DGKQ: variants seen among roughly 807,000 people sequenced by gnomAD.
DGKQ encodes diacylglycerol kinase theta.
DGKQ carries 97 observed loss-of-function variants against 104.2 expected under a neutral mutation model. The ratio of observed to expected loss-of-function variants is 0.93; its 90% CI spans 0.79 to 1.10. The LOEUF is 1.10. DGKQ is among the 50% of genes least tolerant of loss of function. DGKQ has a pLI of 0.00. For synonymous variants in DGKQ, 736 were observed against 595.2 expected, an observed-to-expected ratio of 1.24 and a Z score of -3.44; for missense variants, 1,465 against 1,352.1, an observed-to-expected ratio of 1.08 and a Z score of -1.31.
chr4:970,957 G>T (rs757165792), intron 2 of DGKQ, 36 bp downstream of exon 2: 8 of 1,501,544 alleles, frequency 5.3e-6, no homozygotes, highest in Non-Finnish European at 7.2e-6. Flanking sequence ...ACATCCCCCA[G>T]CCTCTTGCAG....
chr4:972,648 TC>T (rs1387444891), intron 1 of DGKQ, among the ~76,000 whole-genome samples: 1 of 151,928 alleles, frequency 6.6e-6, no homozygotes, highest in Admixed American at 6.5e-5. Context: ...TGGGCTGTAG[TC>T]CCCGGGGCCC....
In DGKQ at chr4:971,187, C is replaced by T; in HGVS notation, c.272-115G>A. The T allele has an allele frequency of 1.4e-6, 1 of 736,270 alleles. No homozygotes were observed. The highest frequency in any genetic ancestry group is 2.3e-6 in the Non-Finnish European group (1 of 436,864). The allele number at this position is 736,270 out of a possible 1,614,324, so 45.6% of individuals were successfully genotyped here. ...CATACCCACCATGCTGCACCAGGGGCCCTGTGGTCCTCGAGTTCCCCCACC... is the reference window on the plus strand; with the variant it reads ...CATACCCACCATGCTGCACCAGGGGTCCTGTGGTCCTCGAGTTCCCCCACC... On this transcript the variant is annotated intron_variant, in intron 1 of 22. Coordinates refer to ENST00000273814, the MANE Select transcript of DGKQ (RefSeq NM_001347.4). The surrounding 1 kb of genome is among the most constrained non-coding windows in gnomAD (Gnocchi z 4.0).
rs781105549 is a variant in DGKQ at position 967,640 on chromosome 4, G to A, written c.896C>T (p.Thr299Met). Residue 299 changes from threonine (T) to methionine (M), a missense_variant, in exon 8 of 23, where the codon ACG (threonine) becomes ATG (methionine). By Grantham distance (81) the Thr-to-Met change is moderately conservative (BLOSUM62 -1). Transcript: ENST00000273814. ...TQATPESGKQ[T>M]LKIFDGDDAV... ...GTCGTCGCCATCAAAGATCTTCAGC[G>A]TTTGCTTCCCTGGGCCGGGTAAGCT... The A allele has an allele frequency of 9.3e-6, 15 of 1,612,602 alleles. No individual in the cohort carries two copies. In the East Asian group the frequency reaches 1.6e-4, roughly 17 times the overall value.
Position 962,449 on chromosome 4 carries a change from C to A in DGKQ, c.2200G>T (p.Ala734Ser). The stretch of plus-strand genomic sequence containing the variant: ...CTGCCCTGTACCTTGGGGGGCTCTG[C>A]GTCTGCCGTGTCGTTCTCTGCACTG... ...AGSAENDTAD[A>S]EPPKIVQMSN... Residue 734 changes from alanine to serine, a missense_variant, in exon 18 of 23, where the codon GCA becomes TCA. Transcript: ENST00000273814. 6.3e-7 allele frequency: 1 copy of A among 1,582,786 alleles called. No individual in the cohort carries two copies. The highest frequency in any genetic ancestry group is 8.6e-7 in the Non-Finnish European group (1 of 1,169,290).
rs1712495493 is a variant in DGKQ at position 967,540 on chromosome 4, C to T, written c.987+9G>A. On this transcript the variant is annotated intron_variant, in intron 8 of 22. Transcript: ENST00000273814. Reference sequence around the variant, plus strand: ...AGGGGGCTCAGACCTCCCCCAGCCTCCCCCTTACCAGCACCTCCTCGGCAC... The same window carrying T: ...AGGGGGCTCAGACCTCCCCCAGCCTTCCCCTTACCAGCACCTCCTCGGCAC... The T allele has an allele frequency of 1.2e-6, 2 of 1,611,524 alleles. No homozygotes were observed. Among genetic ancestry groups the T allele is most frequent in the Admixed American group, 1.7e-5 (1 of 59,998 alleles).
rs1577490672 is a variant in DGKQ at position 971,213 on chromosome 4, A to C, written c.272-141T>G. 1.6e-6 allele frequency: 1 copy of C among 616,744 alleles called. No individual in the cohort carries two copies. The highest frequency in any genetic ancestry group is 2.9e-6 in the Non-Finnish European group (1 of 345,726). The allele number at this position is 616,744 out of a possible 1,614,324, so 38.2% of individuals were successfully genotyped here. A position where few individuals can be genotyped will look rare whatever the true frequency, so the allele number is the denominator to read the frequency against. On this transcript the variant is annotated intron_variant, in intron 1 of 22. Transcript: ENST00000273814. This position sits in a 1 kb window ranked among gnomAD's most constrained non-coding sequence, Gnocchi z 4.0. ...CCTGTGGTCCTCGAGTTCCCCCACC[A>C]CCCTGCCCACTCATTGGAGAGAGCC...
chr4:961,885 T>C, intron 19 of DGKQ, 51 bp from the exon 20 acceptor site: 1 of 1,599,614 alleles, frequency 6.3e-7, no homozygotes, highest in Non-Finnish European at 8.5e-7. Flanking sequence ...TACCCCGCCT[T>C]AGGCAGCCTC....
chr4:973,521 C>T lies in DGKQ; in HGVS notation c.-39G>A, dbSNP rs1201906337. On this transcript the variant is annotated 5_prime_UTR_variant, in exon 1 of 23. Coordinates refer to ENST00000273814, the MANE Select transcript of DGKQ (RefSeq NM_001347.4). ...GGCCCGAGCCCCTTTAGGTCCGCGC[C>T]GGGGGTACAGGAGCCGCCGCTCCAC... The T allele has an allele frequency of 1.0e-6, 1 of 982,186 alleles. No homozygotes were observed. The highest frequency in any genetic ancestry group is 1.2e-6 in the Non-Finnish European group (1 of 828,902). 60.8% of individuals were successfully genotyped at this position (982,186 alleles called of 1,614,324 possible). A position where few individuals can be genotyped will look rare whatever the true frequency, so the allele number is the denominator to read the frequency against.
rs1478689923 is a variant in DGKQ, at chr4:966,160, A to G, written c.1429-82T>C. 11 of 1,393,016 alleles carry G rather than the reference A, an allele frequency of 7.9e-6. No homozygotes were observed. In the South Asian group the frequency reaches 1.3e-4, roughly 17 times the overall value. 86.3% of individuals were successfully genotyped at this position (1,393,016 alleles called of 1,614,324 possible). On this transcript the variant is annotated intron_variant, in intron 12 of 22. Transcript: ENST00000273814. ...CCCTCTGTCTCCTCACCCGCAAAAC[A>G]GCAAAACAGGGCATCAGGAACACTC... is the stretch of plus-strand genomic sequence containing the variant.
chr4:962,946 T>TA (rs1457298600), intron 16 of DGKQ, 26 bp from the exon 17 acceptor site: 2 of 1,595,638 alleles, frequency 1.3e-6, no homozygotes, highest in Non-Finnish European at 1.7e-6. Context: ...AAGTGTCCTC[T>TA]ACCAGCTGCG....
intron 15 of DGKQ, 24 bp downstream of exon 15, chr4:965,152 G>A (rs1246369901): frequency 6.2e-7 from 1 of 1,604,368 alleles, no homozygotes; most frequent in Non-Finnish European, 8.5e-7. Context: ...GGTGTGTGAA[G>A]AGCCGGCTTG....
chr4:963,029 C>G (rs1712008002), intron 16 of DGKQ, 109 bp from the exon 17 acceptor site: 1 of 1,496,202 alleles, frequency 6.7e-7, no homozygotes, highest in East Asian at 2.5e-5. Flanking sequence ...CTTCAAGGTC[C>G]CAGCACGGGA....
chr4:968,371 G>T lies in DGKQ; in HGVS notation c.574C>A (p.Pro192Thr). The change falls in exon 5 of 23, where the codon CCC becomes ACC. Residue 192 changes from proline (P) to threonine (T), a missense_variant. By Grantham distance (38) the Pro-to-Thr change is conservative (BLOSUM62 -1). Transcript: ENST00000273814. ...CAGACCTCGCAGCGCGCTCCCGAGGGCAGGTTCCCCTCCCGCCAGTGGTGG... is the reference window on the plus strand; with the variant it reads ...CAGACCTCGCAGCGCGCTCCCGAGGTCAGGTTCCCCTCCCGCCAGTGGTGG... ...HHHHWREGNL[P>T]SGARCEVCRK... 6.5e-7 allele frequency: 1 copy of T among 1,548,652 alleles called. No homozygotes were observed.
chr4:972,392 C>A (rs749180055), intron 1 of DGKQ, among the ~76,000 whole-genome samples: 1 of 152,162 alleles, frequency 6.6e-6, no homozygotes, highest in Non-Finnish European at 1.5e-5. Flanking sequence ...ACGACATCCC[C>A]GTGTGAGGGG....
Position 971,982 on chromosome 4 carries a change from G to A in DGKQ, c.272-910C>T, listed in dbSNP as rs567491378. On this transcript the variant is annotated intron_variant, in intron 1 of 22. Coordinates refer to ENST00000273814, the MANE Select transcript of DGKQ (RefSeq NM_001347.4). This position sits in a 1 kb window ranked among gnomAD's most constrained non-coding sequence, Gnocchi z 4.0. The stretch of plus-strand genomic sequence containing the variant: ...CTTCTCCTGGCAGCTTAAGAGAAAA[G>A]CTCTGGAAGCAGGCCAGGGTCCACC... Among the ~76,000 whole-genome samples, 9 of 152,176 alleles carry A rather than the reference G, an allele frequency of 5.9e-5. No homozygotes were observed. Among genetic ancestry groups the A allele is most frequent in the Admixed American group, 2.6e-4 (4 of 15,298 alleles).
intron 7 of DGKQ, 32 bp from the exon 8 acceptor site, chr4:967,681 G>T (rs773898149): frequency 1.2e-6 from 2 of 1,612,172 alleles, no homozygotes; most frequent in Non-Finnish European, 1.7e-6. Flanking sequence ...AGTCCCGGGC[G>T]CCCGGGGGAC....
At chr4:965,803 G>A in intron 13 of DGKQ, 125 bp downstream of exon 13, 1 of 1,138,734 alleles carries the variant, frequency 8.8e-7, no homozygotes, top group Non-Finnish European at 1.2e-6. Context: ...GACGTGGGCT[G>A]GACCCGGAGC....
chr4:967,422 G>A lies in DGKQ; in HGVS notation c.988-61C>T, dbSNP rs561930410. 8.6e-5 allele frequency: 71 copies of A among 825,170 alleles called. 1 individual carries two copies. The East Asian group carries it at 2.1e-3, about 24-fold the overall frequency. 51.1% of individuals were successfully genotyped at this position (825,170 alleles called of 1,614,324 possible). A position where few individuals can be genotyped will look rare whatever the true frequency, so the allele number is the denominator to read the frequency against. ...GGGGTCAGGCGGGGTTCAGTGGGGGGCAGGTCATGGAGGGGGAGGCCAGGT... is the reference window on the plus strand; with the variant it reads ...GGGGTCAGGCGGGGTTCAGTGGGGGACAGGTCATGGAGGGGGAGGCCAGGT... On this transcript the variant is annotated intron_variant, in intron 8 of 22. Coordinates refer to ENST00000273814, the MANE Select transcript of DGKQ (RefSeq NM_001347.4).
intron 12 of DGKQ, 32 bp from the exon 13 acceptor site, chr4:966,110 G>T: frequency 1.3e-6 from 2 of 1,569,270 alleles, no homozygotes; most frequent in Non-Finnish European, 1.7e-6. Context: ...TGCTGGGCCG[G>T]GGAGAACGGC....
Sources: allele counts gnomAD v4.1 joint callset (sites outside exome capture counted in the v4.1 genomes callset), GRCh38; gene constraint gnomAD v4.1.1; non-coding constraint Gnocchi (gnomAD v3.1); transcripts MANE v1.5; gene names NCBI Gene and HGNC (gene_info 2026-07-23, HGNC 2026-07-21).